Variants in MYO5B observed in about 807,000 individuals in gnomAD.
MYO5B encodes unconventional myosin-Vb.
In MYO5B, 143 loss-of-function variants were observed where a neutral mutation model predicts 229.3. The ratio of observed to expected loss-of-function variants is 0.62; its 90% CI spans 0.54 to 0.72. The LOEUF is 0.72. MYO5B is among the 30% of genes least tolerant of loss of function. The probability of loss-of-function intolerance (pLI) is 0.00; values close to 1 mark genes in which losing one functional copy is unlikely to be tolerated. For missense variants in MYO5B, 2,321 were observed against 2,331.0 expected (o/e 1.00, Z 0.09); for synonymous variants, 918 against 885.2 (o/e 1.04, Z -0.66).
At chr18:49,904,379 A>T (rs1412550053) in intron 20 of MYO5B, among the ~76,000 whole-genome samples, 1 of 152,136 alleles carries the variant, frequency 6.6e-6, no homozygotes, top group Non-Finnish European at 1.5e-5. Context: ...CCAGAAGCAG[A>T]TGTTCAATTG....
intron 21 of MYO5B, among the ~76,000 whole-genome samples, chr18:49,898,143 C>T (rs1042051380): frequency 1.3e-4 from 20 of 152,128 alleles, no homozygotes; most frequent in Non-Finnish European, 2.8e-4. Flanking sequence ...TTTGTGTAAG[C>T]GAAATCTATG....
At chr18:49,914,325 T>G (rs866323166) in intron 17 of MYO5B, among the ~76,000 whole-genome samples, 1 of 152,090 alleles carries the variant, frequency 6.6e-6, no homozygotes, top group Admixed American at 6.5e-5. Context: ...CACACCCCCA[T>G]AGCACACCCT....
At chr18:49,882,368 A>G (rs1310186) in intron 22 of MYO5B, among the ~76,000 whole-genome samples, 91,240 of 143,902 alleles carry the variant, frequency 0.63, 27,490 homozygotes, top group Middle Eastern at 0.71. Flanking sequence ...CGTGGCTCAC[A>G]CCTGCAATCC....
intron 1 of MYO5B, among the ~76,000 whole-genome samples, chr18:50,187,614 C>T (rs2033166046): frequency 6.6e-6 from 1 of 152,158 alleles, no homozygotes; most frequent in South Asian, 2.1e-4. Flanking sequence ...CTCCCAGGCT[C>T]AAGCAATCCT....
At chr18:49,960,275 A>G (rs1237472989) in intron 12 of MYO5B, among the ~76,000 whole-genome samples, 1 of 152,144 alleles carries the variant, frequency 6.6e-6, no homozygotes, top group Non-Finnish European at 1.5e-5. Context: ...TTCACAGTGC[A>G]ATGTATTATT....
At chr18:50,094,242 A>T (rs1189917455) in intron 1 of MYO5B, among the ~76,000 whole-genome samples, 1 of 152,214 alleles carries the variant, frequency 6.6e-6, no homozygotes, top group Non-Finnish European at 1.5e-5. Context: ...CAAGTTACAA[A>T]ATGTTATAGT....
At chr18:49,991,601 T>C (rs551941824) in intron 6 of MYO5B, among the ~76,000 whole-genome samples, 1 of 152,036 alleles carries the variant, frequency 6.6e-6, no homozygotes, top group Admixed American at 6.5e-5. Flanking sequence ...AGGTGAAAAG[T>C]GGGACATCTG....
intron 32 of MYO5B, 109 bp downstream of exon 32, chr18:49,849,458 A>G: frequency 1.2e-6 from 1 of 864,902 alleles, no homozygotes; most frequent in Non-Finnish European, 2.0e-6. Context: ...GCCACCAAGA[A>G]ATCAGTGATG....
intron 27 of MYO5B, among the ~76,000 whole-genome samples, chr18:49,867,476 C>T (rs954179228): frequency 2.6e-5 from 4 of 152,026 alleles, no homozygotes; most frequent in Non-Finnish European, 2.9e-5. Flanking sequence ...GAAACCGCCC[C>T]GGGAGAGTGT....
chr18:50,163,094 T>C (rs1220201123), intron 1 of MYO5B, among the ~76,000 whole-genome samples: 1 of 152,216 alleles, frequency 6.6e-6, no homozygotes, highest in Non-Finnish European at 1.5e-5. Flanking sequence ...TCTTCTGAAA[T>C]GAATTGCTAC....
chr18:50,008,310 C>A (rs74980893), intron 4 of MYO5B, among the ~76,000 whole-genome samples: 2,231 of 152,276 alleles, frequency 0.015, 137 homozygotes, highest in Admixed American at 0.099. Flanking sequence ...CTAGTCTCCC[C>A]ACTAGAACCT....
intron 1 of MYO5B, among the ~76,000 whole-genome samples, chr18:50,159,080 G>A (rs1180290272): frequency 6.6e-6 from 1 of 152,098 alleles, no homozygotes; most frequent in Non-Finnish European, 1.5e-5. Context: ...TTATCCTGGG[G>A]AGACTCCCAG....
At chr18:49,847,092 G>A in intron 33 of MYO5B, 54 bp downstream of exon 33, 2 of 1,610,148 alleles carry the variant, frequency 1.2e-6, no homozygotes, top group Admixed American at 1.7e-5. Flanking sequence ...ATGGAGATGG[G>A]AGCGGGGGCT....
chr18:49,867,682 G>T (rs1286339860), intron 27 of MYO5B, among the ~76,000 whole-genome samples: 1 of 152,154 alleles, frequency 6.6e-6, no homozygotes, highest in Non-Finnish European at 1.5e-5. Context: ...CGGGATGAGC[G>T]TTACCACTGG....
At chr18:50,047,519 G>A (rs1200509932) in intron 2 of MYO5B, among the ~76,000 whole-genome samples, 1 of 152,176 alleles carries the variant, frequency 6.6e-6, no homozygotes, top group Non-Finnish European at 1.5e-5. Context: ...AACCATTGTG[G>A]AAGTCAGTGT....
At chr18:49,963,095 C>T in intron 10 of MYO5B, 65 bp from the exon 11 acceptor site, 1 of 1,337,918 alleles carries the variant, frequency 7.5e-7, no homozygotes, top group Non-Finnish European at 1.1e-6. Context: ...GGGACTTCAA[C>T]AAAGCTGCTC....
At chr18:49,956,143 T>C (rs559912282) in intron 12 of MYO5B, among the ~76,000 whole-genome samples, 1 of 152,324 alleles carries the variant, frequency 6.6e-6, no homozygotes, top group African/African-American at 2.4e-5. Context: ...CCTTTCACTG[T>C]CCACCCCACC....
chr18:50,046,540 T>C (rs570707148), intron 2 of MYO5B, among the ~76,000 whole-genome samples: 1 of 152,288 alleles, frequency 6.6e-6, no homozygotes, highest in Admixed American at 6.5e-5. Context: ...GCAGGGGTTT[T>C]CTCATTTGTC....
At chr18:49,999,232 G>C (rs946322019) in intron 5 of MYO5B, among the ~76,000 whole-genome samples, 4 of 152,306 alleles carry the variant, frequency 2.6e-5, no homozygotes, top group African/African-American at 9.6e-5. Context: ...CTAAAAGATG[G>C]ACAGAATCTT....
Sources: gnomAD v4.1 joint callset for allele counts (sites outside exome capture counted in the v4.1 genomes callset) on GRCh38, gnomAD v4.1.1 for gene constraint, MANE v1.5 for transcripts, NCBI Gene and HGNC (gene_info 2026-07-23, HGNC 2026-07-21) for gene names.